Variants in ACACA observed in about 807,000 individuals in gnomAD.
ACACA encodes the protein acetyl-CoA carboxylase 1.
ACACA carries 103 observed loss-of-function variants against 296.1 expected under a neutral mutation model. That is an observed-to-expected ratio of 0.35 (90% confidence interval 0.30 to 0.41). ACACA has a LOEUF of 0.41. ACACA is among the 10% of genes least tolerant of loss of function. The pLI is 1.00. For missense variants in ACACA, 1,554 were observed against 2,989.7 expected, an observed-to-expected ratio of 0.52 and a Z score of 11.20; for synonymous variants, 953 against 1,038.6, an observed-to-expected ratio of 0.92 and a Z score of 1.58.
Position 37,106,797 on chromosome 17 carries a change from C to G in ACACA, c.6565+4734G>C, listed in dbSNP as rs147516367. Among the ~76,000 whole-genome samples the G allele has an allele frequency of 2.5e-3, 376 of 151,660 alleles. 3 individuals carry two copies. Among genetic ancestry groups the G allele is most frequent in the Middle Eastern group, 3.4e-3 (1 of 294 alleles). On this transcript the variant is annotated intron_variant, in intron 52 of 55. Coordinates refer to ENST00000616317, the MANE Select transcript of ACACA (RefSeq NM_198834.3). ...AGACACATTCTGATGACAGCTTTCTCTTGGGTTCCCTCTAACTAAATGCCT... is the reference window on the plus strand; with the variant it reads ...AGACACATTCTGATGACAGCTTTCTGTTGGGTTCCCTCTAACTAAATGCCT...
intron 3 of ACACA, among the ~76,000 whole-genome samples, chr17:37,316,472 T>A (rs1038633578): frequency 8.7e-5 from 13 of 149,806 alleles, no homozygotes; most frequent in Non-Finnish European, 1.0e-4. Context: ...TTAGAAATAA[T>A]GTTAAGCACC....
rs370815193 is a variant in ACACA, at chr17:37,308,561, G to A, written c.338+21612C>T. On this transcript the variant is annotated intron_variant, in intron 3 of 55. Transcript: ENST00000616317. ...GAAAAAAATTGATAAATTTCTTAAC[G>A]ACTTTCCATTCCACCCAGAAAGACA... is the stretch of plus-strand genomic sequence containing the variant. Among the ~76,000 whole-genome samples the A allele has an allele frequency of 8.5e-4, 130 of 152,114 alleles. 2 individuals carry two copies. In the South Asian group the frequency reaches 0.026, roughly 30 times the overall value.
chr17:37,148,457 A>C (rs1177528324), intron 45 of ACACA, among the ~76,000 whole-genome samples: 3 of 152,230 alleles, frequency 2.0e-5, no homozygotes, highest in Non-Finnish European at 2.9e-5. Flanking sequence ...AGCTGATCGC[A>C]TCAAATGATT....
intron 3 of ACACA, among the ~76,000 whole-genome samples, chr17:37,323,411 A>G (rs1276694906): frequency 6.6e-6 from 1 of 152,256 alleles, no homozygotes; most frequent in East Asian, 1.9e-4. Context: ...CCAGGGCAAC[A>G]TAGCAAGACC....
At chr17:37,283,124 T>G in intron 5 of ACACA, 143 bp downstream of exon 5, 1 of 1,036,988 alleles carries the variant, frequency 9.6e-7, no homozygotes, top group Non-Finnish European at 1.4e-6. Flanking sequence ...CTGACACATT[T>G]TAAACAGAAA....
At chr17:37,205,981 G>T in intron 32 of ACACA, 109 bp from the exon 33 acceptor site, 1 of 989,662 alleles carries the variant, frequency 1.0e-6, no homozygotes, top group Non-Finnish European at 1.6e-6. Flanking sequence ...CACCCCACAG[G>T]ATATTTTGGT....
chr17:37,207,823 T>A, intron 30 of ACACA, 23 bp from the exon 31 acceptor site: 1 of 1,612,926 alleles, frequency 6.2e-7, no homozygotes, highest in Non-Finnish European at 8.5e-7. Flanking sequence ...TCAATCACGT[T>A]CATTAGACAA....
intron 45 of ACACA, among the ~76,000 whole-genome samples, chr17:37,132,791 C>T (rs1439514152): frequency 6.6e-6 from 1 of 152,192 alleles, no homozygotes; most frequent in African/African-American, 2.4e-5. Context: ...GACCGCTCAG[C>T]TGTTTAAACA....
intron 3 of ACACA, among the ~76,000 whole-genome samples, chr17:37,327,751 G>C (rs539930878): frequency 6.6e-6 from 1 of 152,312 alleles, no homozygotes; most frequent in African/African-American, 2.4e-5. Flanking sequence ...TATGGATTTA[G>C]AGTTAAACCA....
intron 54 of ACACA, among the ~76,000 whole-genome samples, chr17:37,094,649 T>G (rs1312948250): frequency 1.4e-5 from 2 of 146,614 alleles, no homozygotes; most frequent in Non-Finnish European, 3.0e-5. Flanking sequence ...TTTTGAACAC[T>G]GCAACCCTTT....
At chr17:37,354,137 A>G (rs898116165) in intron 1 of ACACA, among the ~76,000 whole-genome samples, 2 of 152,220 alleles carry the variant, frequency 1.3e-5, no homozygotes, top group African/African-American at 4.8e-5. Context: ...ATACAATTTT[A>G]TTCTATCTGA....
At chr17:37,185,817 C>T (rs1012018079) in intron 39 of ACACA, among the ~76,000 whole-genome samples, 2 of 152,118 alleles carry the variant, frequency 1.3e-5, no homozygotes, top group African/African-American at 4.8e-5. Context: ...GATCCATCTG[C>T]CTTGGCCTCC....
intron 2 of ACACA, among the ~76,000 whole-genome samples, chr17:37,339,181 G>A (rs1283888092): frequency 1.3e-5 from 2 of 152,148 alleles, no homozygotes; most frequent in African/African-American, 4.8e-5. Context: ...GAAGATAATG[G>A]GTGCCTTCTT....
At chr17:37,226,286 G>T in intron 26 of ACACA, 53 bp downstream of exon 26, 1 of 1,343,430 alleles carries the variant, frequency 7.4e-7, no homozygotes, top group Non-Finnish European at 1.1e-6. Flanking sequence ...GTCTAGGACT[G>T]CCTGATCTAT....
chr17:37,277,408 C>G (rs752864894), intron 6 of ACACA, among the ~76,000 whole-genome samples: 1 of 152,194 alleles, frequency 6.6e-6, no homozygotes, highest in African/African-American at 2.4e-5. Context: ...CTGTAAAGGG[C>G]GTTTTCTAGA....
intron 11 of ACACA, among the ~76,000 whole-genome samples, chr17:37,260,669 G>T (rs2081473167): frequency 6.6e-6 from 1 of 151,762 alleles, no homozygotes; most frequent in Non-Finnish European, 1.5e-5. Context: ...CTTATTCATT[G>T]GAACATAGTC....
chr17:37,347,438 C>A (rs956582446), intron 1 of ACACA, among the ~76,000 whole-genome samples: 1 of 152,070 alleles, frequency 6.6e-6, no homozygotes, highest in African/African-American at 2.4e-5. Context: ...TGGGACTACG[C>A]ACACACTACC....
intron 2 of ACACA, among the ~76,000 whole-genome samples, chr17:37,336,250 T>C (rs866994280): frequency 6.6e-6 from 1 of 151,992 alleles, no homozygotes; most frequent in Admixed American, 6.6e-5. Flanking sequence ...CGAGGAAATC[T>C]CAACTGCACA....
At chr17:37,117,762 A>T (rs530958070) in intron 50 of ACACA, among the ~76,000 whole-genome samples, 67 of 151,322 alleles carry the variant, frequency 4.4e-4, no homozygotes, top group African/African-American at 1.6e-3. Context: ...TACTGCTCGA[A>T]TTAGACCTCC....
Sources: allele counts gnomAD v4.1 joint callset (sites outside exome capture counted in the v4.1 genomes callset), GRCh38; gene constraint gnomAD v4.1.1; transcripts MANE v1.5; gene names NCBI Gene and HGNC (gene_info 2026-07-23, HGNC 2026-07-21).